The following ASAH1 variants were observed in gnomAD, a reference collection of about 807,000 sequenced individuals.
ASAH1 encodes N-acylsphingosine amidohydrolase 1, also known as acid ceramidase.
In ASAH1, 70 loss-of-function variants were observed where a neutral mutation model predicts 59.5. The ratio of observed to expected loss-of-function variants is 1.18; its 90% CI spans 0.97 to 1.43. ASAH1 has a LOEUF of 1.43. Ranked by LOEUF, ASAH1 falls within the 40% of genes most tolerant of loss-of-function variation. ASAH1 has a pLI of 0.00. For synonymous variants in ASAH1, 213 were observed against 166.5 expected (o/e 1.28, Z -2.15); for missense variants, 660 against 482.5 (o/e 1.37, Z -3.45).
Position 18,084,048 on chromosome 8 carries a change from C to G in ASAH1, c.11G>C (p.Arg4Pro). The G allele has an allele frequency of 6.3e-7, 1 of 1,598,728 alleles. No individual in the cohort carries two copies. Among genetic ancestry groups the G allele is most frequent in the Non-Finnish European group, 8.5e-7 (1 of 1,179,668 alleles). MPG[R>P]SCVALVLLAA... ...CAGGAGGACTAAGGCGACGCAACTC[C>G]GGCCCGGCATCGCTCTAGCAGCCAA... is the stretch of plus-strand genomic sequence containing the variant. The change falls in exon 1 of 14, where the codon CGG (arginine) becomes CCG (proline). Residue 4 changes from arginine to proline, a missense_variant. Physicochemically the swap from Arg to Pro is moderately radical, Grantham distance 103 (BLOSUM62 -2). Coordinates refer to ENST00000637790, the MANE Select transcript of ASAH1 (RefSeq NM_177924.5).
chr8:18,080,530 G>C (rs1800608975), intron 1 of ASAH1, among the ~76,000 whole-genome samples: 1 of 152,012 alleles, frequency 6.6e-6, no homozygotes, highest in African/African-American at 2.4e-5. Context: ...TCTCTTCCCT[G>C]AGCTTCCTGT....
At chr8:18,063,749 C>T (rs1210864275) in intron 6 of ASAH1, 1 of 156,618 alleles carries the variant, frequency 6.4e-6, no homozygotes, top group African/African-American at 2.4e-5. Context: ...CCCACAAAAT[C>T]TGAGAGCACG....
intron 5 of ASAH1, 77 bp downstream of exon 5, chr8:18,067,143 A>ATCTAAGACATACAGCACCTGTGC: frequency 6.8e-6 from 9 of 1,321,218 alleles, no homozygotes; most frequent in African/African-American, 1.5e-5. Context: ...CCTGTGCTGT[A>ATCTAAGACATACAGCACCTGTGC]TGTATATCAC....
intron 2 of ASAH1, among the ~76,000 whole-genome samples, chr8:18,072,536 A>C (rs1184228065): frequency 6.6e-6 from 1 of 152,192 alleles, no homozygotes. Context: ...GGAAATGTAC[A>C]TTTAAACAAA....
chr8:18,083,775 T>C, intron 1 of ASAH1: 3 of 978,594 alleles, frequency 3.1e-6, no homozygotes, highest in Non-Finnish European at 4.4e-6. Flanking sequence ...AAAGGAGTTC[T>C]AGTTGCAGGT....
At chr8:18,080,509 A>C (rs10108779) in intron 1 of ASAH1, among the ~76,000 whole-genome samples, 74,207 of 151,834 alleles carry the variant, frequency 0.49, 18,582 homozygotes, top group Non-Finnish European at 0.55. Flanking sequence ...AACATAGTTA[A>C]CCTGTCCCAG....
rs1799690707 is a variant in ASAH1 at position 18,061,374 on chromosome 8, T to C, written c.785+3A>G. ...TTAATAGTAAAGCAACGAAACACTTTACCTTGTGCTATTTTCCAGAACTGT... is the reference window on the plus strand; with the variant it reads ...TTAATAGTAAAGCAACGAAACACTTCACCTTGTGCTATTTTCCAGAACTGT... On this transcript the variant is annotated splice_donor_region_variant and intron_variant, in intron 10 of 13. Coordinates refer to ENST00000637790, the MANE Select transcript of ASAH1 (RefSeq NM_177924.5). 6.2e-7 allele frequency: 1 copy of C among 1,607,520 alleles called. No individual in the cohort carries two copies. The highest frequency in any genetic ancestry group is 8.5e-7 in the Non-Finnish European group (1 of 1,173,908).
At chr8:18,067,187 C>CT (rs138677135) in intron 5 of ASAH1, 33 bp downstream of exon 5, 3,187 of 1,362,156 alleles carry the variant, frequency 2.3e-3, no homozygotes, top group South Asian at 4.3e-3. Context: ...AATTTAATTA[C>CT]TTTTTTTTTT....
At chr8:18,072,053 T>C (rs576488930) in intron 2 of ASAH1, among the ~76,000 whole-genome samples, 70 of 152,344 alleles carry the variant, frequency 4.6e-4, no homozygotes, top group Admixed American at 9.8e-4. Context: ...TCTGAGGATA[T>C]AGCAACATCC....
Position 18,075,483 on chromosome 8 carries a change from A to C in ASAH1, c.125+58T>G, listed in dbSNP as rs1423214448. On this transcript the variant is annotated intron_variant, in intron 2 of 13. Transcript: ENST00000637790. ...TCGTTCGTTTATGAGCAATTATTACATACAGAAAAAACTTCACAAAGGTCA... is the reference window on the plus strand; with the variant it reads ...TCGTTCGTTTATGAGCAATTATTACCTACAGAAAAAACTTCACAAAGGTCA... 3 of 1,537,430 alleles carry C rather than the reference A, an allele frequency of 2.0e-6. No individual in the cohort carries two copies. The Admixed American group carries it at 5.0e-5, about 26-fold the overall frequency.
At chr8:18,072,705 G>T (rs1426318963) in intron 2 of ASAH1, among the ~76,000 whole-genome samples, 1 of 152,100 alleles carries the variant, frequency 6.6e-6, no homozygotes, top group Non-Finnish European at 1.5e-5. Context: ...AATTTCACAT[G>T]TAAAATTTTG....
intron 2 of ASAH1, 134 bp from the exon 3 acceptor site, chr8:18,071,524 G>A: frequency 1.6e-6 from 1 of 617,420 alleles, no homozygotes; most frequent in Non-Finnish European, 3.0e-6. Context: ...ACCAAAATTT[G>A]GAAAGAAAGT....
intron 2 of ASAH1, among the ~76,000 whole-genome samples, chr8:18,074,623 C>T (rs1160311371): frequency 6.6e-6 from 1 of 152,166 alleles, no homozygotes; most frequent in Non-Finnish European, 1.5e-5. Context: ...TCCTTCTTTT[C>T]TCTGTTCTGT....
chr8:18,058,843 G>T lies in ASAH1; in HGVS notation c.1090C>A (p.Leu364Ile), dbSNP rs1279174524. Residue 364 changes from leucine to isoleucine, a missense_variant, in exon 13 of 14, where the codon CTC (leucine) becomes ATC (isoleucine). By Grantham distance (5) the Leu-to-Ile change is conservative. Transcript: ENST00000637790. The stretch of plus-strand genomic sequence containing the variant: ...TATAACATTTAAAATACCTTGTTGA[G>T]GACAGGTTTTGTTGACAGGACATCA... ...MYDVLSTKPV[L>I]NKLTVYTTLI... 1.2e-6 allele frequency: 2 copies of T among 1,611,130 alleles called. No homozygotes were observed. Among genetic ancestry groups the T allele is most frequent in the Middle Eastern group, 1.7e-4 (1 of 6,058 alleles).
At chr8:18,065,347 A>G (rs930771293) in intron 5 of ASAH1, 2 of 152,146 alleles carry the variant, frequency 1.3e-5, no homozygotes, top group South Asian at 2.1e-4. Flanking sequence ...CAGCAAGTAC[A>G]TATTTCCAGT....
Position 18,057,553 on chromosome 8 carries a change from T to C in ASAH1, c.1169A>G (p.Asp390Gly), listed in dbSNP as rs373012279. 3.1e-6 allele frequency: 5 copies of C among 1,601,626 alleles called. No homozygotes were observed. Among genetic ancestry groups the C allele is most frequent in the East Asian group, 4.5e-5 (2 of 44,160 alleles). ...GTGTGCTCACCAACCTATACAAGGG[T>C]CAGGGCAGTCCCGCAGGTAAGTTTC... ...QFETYLRDCP[D>G]PCIGW The change falls in exon 14 of 14, where the codon GAC (aspartate) becomes GGC (glycine). Residue 390 changes from aspartate (D) to glycine (G), a missense_variant. Asp to Gly is a moderately conservative substitution (Grantham distance 94, BLOSUM62 -1). Coordinates refer to ENST00000637790, the MANE Select transcript of ASAH1 (RefSeq NM_177924.5).
At chr8:18,083,754 G>C (rs1454670714) in intron 1 of ASAH1, 1 of 840,930 alleles carries the variant, frequency 1.2e-6, no homozygotes, top group Non-Finnish European at 1.8e-6. Context: ...GCAGAGACTA[G>C]GATTTCCTTT....
At position 18,078,183 on chromosome 8, in the gene ASAH1, TA is replaced by T. The variant is rs1342171853; in HGVS notation, c.79-2597del. Among the ~76,000 whole-genome samples the T allele has an allele frequency of 3.3e-5, 5 of 152,332 alleles. No homozygotes were observed. The South Asian group carries it at 6.2e-4, about 19-fold the overall frequency. On this transcript the variant is annotated intron_variant, in intron 1 of 13. Transcript: ENST00000637790. The stretch of plus-strand genomic sequence containing the variant: ...CGTAATGACTCCTATCCCTTCCTAA[TA>T]ATGACATTTGCACGCCCTGGGTTCC...
At chr8:18,069,017 T>C (rs947109686) in intron 4 of ASAH1, among the ~76,000 whole-genome samples, 2 of 151,876 alleles carry the variant, frequency 1.3e-5, no homozygotes, top group Admixed American at 6.6e-5. Flanking sequence ...GGCACGTGAC[T>C]GTAGTCCCAG....
Sources: allele counts gnomAD v4.1 joint callset (sites outside exome capture counted in the v4.1 genomes callset), GRCh38; gene constraint gnomAD v4.1.1; transcripts MANE v1.5; gene names NCBI Gene and HGNC (gene_info 2026-07-23, HGNC 2026-07-21).